PRELID2: variants seen among roughly 807,000 people sequenced by gnomAD.
PRELID2 encodes PRELI domain containing 2, also known as PRELI domain-containing protein 2.
In PRELID2, 25 loss-of-function variants were observed where a neutral mutation model predicts 28.4. That is an observed-to-expected ratio of 0.88 (90% CI 0.64 to 1.23). PRELID2 has a LOEUF of 1.23. Among genes scored for constraint, PRELID2 ranks in the 50% most tolerant of loss-of-function variants. The probability of loss-of-function intolerance (pLI) is 0.00; values close to 1 mark genes in which losing one functional copy is unlikely to be tolerated. For missense variants in PRELID2, 201 were observed against 214.4 expected, an observed-to-expected ratio of 0.94 and a Z score of 0.39; for synonymous variants, 76 against 71.6, an observed-to-expected ratio of 1.06 and a Z score of -0.31.
chr5:145,470,624 A>G (rs1752045914), downstream of PRELID2, among the ~76,000 whole-genome samples: 1 of 152,130 alleles, frequency 6.6e-6, no homozygotes, highest in Non-Finnish European at 1.5e-5. Flanking sequence ...CATTAAATCT[A>G]CAGCCCATCT....
the PRELID2 span, among the ~76,000 whole-genome samples, chr5:145,273,346 G>A: frequency 6.6e-6 from 1 of 152,088 alleles, no homozygotes; most frequent in South Asian, 2.1e-4. Context: ...TCTTAAGCAC[G>A]CCCAACCCTC....
intron 1 of PRELID2, among the ~76,000 whole-genome samples, chr5:145,739,468 G>T (rs527512142): frequency 1.3e-5 from 2 of 152,192 alleles, no homozygotes; most frequent in Non-Finnish European, 2.9e-5. Flanking sequence ...TTGCACCACT[G>T]CACTCTAGCC....
At chr5:145,721,812 A>G (rs1472944962) in intron 1 of PRELID2, among the ~76,000 whole-genome samples, 2 of 152,208 alleles carry the variant, frequency 1.3e-5, no homozygotes, top group African/African-American at 2.4e-5. Flanking sequence ...CAATCCTGAC[A>G]TAAGACAAGG....
intron 5 of PRELID2, among the ~76,000 whole-genome samples, chr5:145,794,785 C>A (rs551763359): frequency 6.6e-6 from 1 of 152,156 alleles, no homozygotes; most frequent in East Asian, 1.9e-4. Flanking sequence ...ATGTACATAA[C>A]CACTGTGCAA....
intron 1 of PRELID2, among the ~76,000 whole-genome samples, chr5:145,528,438 G>C (rs1316170986): frequency 6.6e-6 from 1 of 152,020 alleles, no homozygotes; most frequent in Non-Finnish European, 1.5e-5. Flanking sequence ...CTTTATAAAG[G>C]AGCTGTTCAC....
intron 1 of PRELID2, among the ~76,000 whole-genome samples, chr5:145,692,071 C>T (rs773966380): frequency 1.3e-5 from 2 of 152,102 alleles, no homozygotes; most frequent in African/African-American, 2.4e-5. Context: ...GATGCTGTTA[C>T]CTGCTCTTAT....
chr5:145,331,523 A>C, the PRELID2 span, among the ~76,000 whole-genome samples: 2 of 152,186 alleles, frequency 1.3e-5, no homozygotes, highest in Admixed American at 1.3e-4. Flanking sequence ...ATGACTATGT[A>C]ACGCCCTTCT....
the PRELID2 span, among the ~76,000 whole-genome samples, chr5:145,393,215 A>G: frequency 6.6e-6 from 1 of 152,200 alleles, no homozygotes; most frequent in Non-Finnish European, 1.5e-5. Context: ...GAGCAGGCAC[A>G]TAGCTGAGTA....
intron 1 of PRELID2, among the ~76,000 whole-genome samples, chr5:145,680,202 G>A (rs984334113): frequency 9.2e-5 from 14 of 152,074 alleles, no homozygotes; most frequent in Non-Finnish European, 1.9e-4. Flanking sequence ...AGAAATTTGT[G>A]TTTTGAAAAA....
the PRELID2 span, among the ~76,000 whole-genome samples, chr5:145,358,648 T>C: frequency 0.019 from 2,911 of 152,228 alleles, 47 homozygotes; most frequent in Non-Finnish European, 0.031. Flanking sequence ...ATCTCTTTAA[T>C]GTAATGGAAT....
At chr5:145,435,104 G>A in the PRELID2 span, among the ~76,000 whole-genome samples, 1 of 152,116 alleles carries the variant, frequency 6.6e-6, no homozygotes, top group Non-Finnish European at 1.5e-5. Flanking sequence ...CACAGCAGTG[G>A]GCAAGACAAA....
chr5:145,340,573 G>A, the PRELID2 span, among the ~76,000 whole-genome samples: 1 of 151,944 alleles, frequency 6.6e-6, no homozygotes, highest in East Asian at 1.9e-4. Context: ...TTCAAGATCA[G>A]TCTGAACAAC....
At chr5:145,509,751 T>C (rs958136147) in intron 1 of PRELID2, among the ~76,000 whole-genome samples, 1 of 152,242 alleles carries the variant, frequency 6.6e-6, no homozygotes, top group African/African-American at 2.4e-5. Context: ...AAGCAGATGC[T>C]GTTTTCTTCC....
At chr5:145,763,617 G>A (rs1419769706) in intron 6 of PRELID2, among the ~76,000 whole-genome samples, 1 of 152,070 alleles carries the variant, frequency 6.6e-6, no homozygotes, top group African/African-American at 2.4e-5. Flanking sequence ...GCTTCTTTTT[G>A]GTTAACTGCT....
intron 2 of PRELID2, chr5:145,473,062 T>G (rs1405331379): frequency 6.6e-6 from 1 of 152,210 alleles, no homozygotes; most frequent in Non-Finnish European, 1.5e-5. Context: ...TTACTGTGTG[T>G]ACCTTAAGTA....
chr5:145,484,925 A>G (rs1295222926), intron 1 of PRELID2, among the ~76,000 whole-genome samples: 1 of 152,206 alleles, frequency 6.6e-6, no homozygotes, highest in African/African-American at 2.4e-5. Flanking sequence ...GCCCTCAAGC[A>G]ACAGAGAGGA....
the PRELID2 span, among the ~76,000 whole-genome samples, chr5:145,400,718 A>G: frequency 5.3e-5 from 8 of 152,098 alleles, no homozygotes; most frequent in African/African-American, 1.9e-4. Flanking sequence ...TCTTTGGACC[A>G]TCTGATGCTA....
At chr5:145,527,517 T>C (rs1196981695) in intron 1 of PRELID2, among the ~76,000 whole-genome samples, 3 of 152,232 alleles carry the variant, frequency 2.0e-5, no homozygotes, top group South Asian at 4.1e-4. Context: ...TTATTGCACA[T>C]GCAGAATTTT....
intron 1 of PRELID2, among the ~76,000 whole-genome samples, chr5:145,585,879 C>T (rs1355106687): frequency 1.3e-5 from 2 of 152,068 alleles, no homozygotes; most frequent in Non-Finnish European, 2.9e-5. Context: ...GAGTACACCA[C>T]ATGTGTGGAC....
Sources: gnomAD v4.1 joint callset for allele counts (sites outside exome capture counted in the v4.1 genomes callset) on GRCh38, gnomAD v4.1.1 for gene constraint, MANE v1.5 for transcripts, NCBI Gene and HGNC (gene_info 2026-07-23, HGNC 2026-07-21) for gene names.